Variants in FAM149B1 observed in about 807,000 individuals in gnomAD.
The protein encoded by FAM149B1 is primary cilium assembly protein FAM149B1.
In FAM149B1, 56 loss-of-function variants were observed where a neutral mutation model predicts 75.3. The ratio of observed to expected loss-of-function variants is 0.74; its 90% confidence interval spans 0.60 to 0.93. The LOEUF is 0.93. FAM149B1 is among the 40% of genes least tolerant of loss of function. The pLI, the probability that FAM149B1 is intolerant of heterozygous loss-of-function variation, is 0.00. For synonymous variants in FAM149B1, 259 were observed against 256.1 expected, an observed-to-expected ratio of 1.01 and a Z score of -0.11; for missense variants, 639 against 708.4, an observed-to-expected ratio of 0.90 and a Z score of 1.11.
chr10:73,199,984 T>G (rs75847412), intron 5 of FAM149B1: 8,307 of 200,758 alleles, frequency 0.041, 653 homozygotes, highest in African/African-American at 0.17. Context: ...ATGCTTATGA[T>G]TTCAGAAGCC....
Position 73,239,399 on chromosome 10 carries a change from A to G in FAM149B1, c.1675+15A>G, listed in dbSNP as rs1341649379. 3.2e-6 allele frequency: 5 copies of G among 1,546,766 alleles called. No homozygotes were observed. Among genetic ancestry groups the G allele is most frequent in the Non-Finnish European group, 4.4e-6 (5 of 1,142,572 alleles). On this transcript the variant is annotated intron_variant, in intron 13 of 13. Coordinates refer to ENST00000242505, the MANE Select transcript of FAM149B1 (RefSeq NM_173348.2). ...GGGATCTGCAGGTAAAGGTGGGGCC[A>G]TGGCCCTTATTTACTACTGTGTGGT...
At chr10:73,184,092 A>G (rs1181430110) in intron 3 of FAM149B1, among the ~76,000 whole-genome samples, 1 of 152,240 alleles carries the variant, frequency 6.6e-6, no homozygotes, top group African/African-American at 2.4e-5. Flanking sequence ...TAAGCTATCT[A>G]CACATCCCTG....
chr10:73,227,301 C>T (rs568972341), intron 7 of FAM149B1, among the ~76,000 whole-genome samples: 1 of 152,214 alleles, frequency 6.6e-6, no homozygotes, highest in East Asian at 1.9e-4. Flanking sequence ...GTTGCCCAAG[C>T]TGGTCTTGAA....
intron 7 of FAM149B1, among the ~76,000 whole-genome samples, chr10:73,222,488 C>T (rs1354024405): frequency 2.6e-5 from 4 of 152,132 alleles, no homozygotes; most frequent in Non-Finnish European, 5.9e-5. Context: ...ATTTTGAATG[C>T]TCAAATGATG....
rs1265864352 is a variant in FAM149B1, at chr10:73,210,355, C to T, written c.815C>T (p.Ala272Val). 3 of 1,551,316 alleles carry T rather than the reference C, an allele frequency of 1.9e-6. No homozygotes were observed. The highest frequency in any genetic ancestry group is 2.6e-6 in the Non-Finnish European group (3 of 1,146,736). ...TACTGCATGAAAGAAGATGTCCTTG[C>T]TTATGTGTTTGACAGTGTATGGTGC... ...PFYCMKEDVL[A>V]YVFDSVWCKV... The change falls in exon 7 of 14, where the codon GCT becomes GTT. Residue 272 changes from alanine to valine, a missense_variant. Physicochemically the swap from Ala to Val is moderately conservative, Grantham distance 64 (BLOSUM62 0). Transcript: ENST00000242505.
intron 7 of FAM149B1, among the ~76,000 whole-genome samples, chr10:73,222,287 G>A (rs897596033): frequency 6.6e-6 from 1 of 152,214 alleles, no homozygotes; most frequent in African/African-American, 2.4e-5. Context: ...TCAGTCTAGA[G>A]CTAATTATTA....
chr10:73,193,076 G>A (rs1231688029), intron 4 of FAM149B1, among the ~76,000 whole-genome samples: 1 of 152,168 alleles, frequency 6.6e-6, no homozygotes, highest in Non-Finnish European at 1.5e-5. Context: ...TTCAGAAACT[G>A]CAGTAGTACC....
At chr10:73,206,987 G>A (rs984679953) in intron 5 of FAM149B1, among the ~76,000 whole-genome samples, 3 of 152,224 alleles carry the variant, frequency 2.0e-5, no homozygotes, top group African/African-American at 7.2e-5. Context: ...TCCATGTGGT[G>A]TTAAGCTTGT....
chr10:73,176,503 T>G (rs1249438738), intron 2 of FAM149B1, among the ~76,000 whole-genome samples: 2 of 152,206 alleles, frequency 1.3e-5, no homozygotes, highest in African/African-American at 4.8e-5. Flanking sequence ...GCTGTAGTTA[T>G]TTTAAGTAAT....
intron 3 of FAM149B1, among the ~76,000 whole-genome samples, chr10:73,190,828 C>T (rs1284510075): frequency 6.6e-6 from 1 of 151,822 alleles, no homozygotes; most frequent in African/African-American, 2.4e-5. Flanking sequence ...AAGTAGTCCT[C>T]CCACCTCAGC....
intron 7 of FAM149B1, among the ~76,000 whole-genome samples, chr10:73,226,335 T>G (rs567918704): frequency 6.6e-6 from 1 of 152,198 alleles, no homozygotes; most frequent in South Asian, 2.1e-4. Flanking sequence ...TGAAACCCCA[T>G]CTCTACTAAA....
At chr10:73,213,882 T>C (rs1197596338) in intron 7 of FAM149B1, among the ~76,000 whole-genome samples, 1 of 152,138 alleles carries the variant, frequency 6.6e-6, no homozygotes, top group Non-Finnish European at 1.5e-5. Context: ...TTGATAGGGA[T>C]TGTGTGGAAT....
At chr10:73,208,432 C>A (rs1307381564) in intron 5 of FAM149B1, among the ~76,000 whole-genome samples, 187 bp from the exon 6 acceptor site, 1 of 152,168 alleles carries the variant, frequency 6.6e-6, no homozygotes, top group Non-Finnish European at 1.5e-5. Flanking sequence ...TACATGTAGG[C>A]AGAATAGTTC....
At chr10:73,183,975 C>G (rs987882920) in intron 3 of FAM149B1, among the ~76,000 whole-genome samples, 1 of 152,082 alleles carries the variant, frequency 6.6e-6, no homozygotes, top group African/African-American at 2.4e-5. Flanking sequence ...CTGGCTGGGA[C>G]AAACAATGGA....
chr10:73,202,629 TTCCC>T (rs947976719), intron 5 of FAM149B1, among the ~76,000 whole-genome samples: 26 of 151,040 alleles, frequency 1.7e-4, no homozygotes, highest in Middle Eastern at 3.4e-3. Flanking sequence ...TCCAAACCGA[TTCCC>T]TCCCTCCCTC....
chr10:73,240,331 C>T (rs957676199), intron 13 of FAM149B1, among the ~76,000 whole-genome samples: 10 of 152,188 alleles, frequency 6.6e-5, no homozygotes, highest in Admixed American at 5.9e-4. Context: ...CTCAGTTCCC[C>T]GCAGCATTGT....
chr10:73,213,672 C>T (rs761932102), intron 7 of FAM149B1, among the ~76,000 whole-genome samples: 1 of 152,050 alleles, frequency 6.6e-6, no homozygotes, highest in South Asian at 2.1e-4. Context: ...TATTCCATTC[C>T]GTTGGTCTGT....
At chr10:73,232,205 CACTT>C (rs2043722500) in intron 9 of FAM149B1, among the ~76,000 whole-genome samples, 1 of 150,606 alleles carries the variant, frequency 6.6e-6, no homozygotes, top group Non-Finnish European at 1.5e-5. Flanking sequence ...AATGTCCTCT[CACTT>C]GCTTTAAAAG....
intron 5 of FAM149B1, among the ~76,000 whole-genome samples, chr10:73,202,932 C>A (rs1307636040): frequency 6.6e-6 from 1 of 152,078 alleles, no homozygotes; most frequent in Non-Finnish European, 1.5e-5. Context: ...CCATCTCCAT[C>A]CCAGTGCCAC....
Sources: gnomAD v4.1 joint callset for allele counts (sites outside exome capture counted in the v4.1 genomes callset) on GRCh38, gnomAD v4.1.1 for gene constraint, MANE v1.5 for transcripts, NCBI Gene and HGNC (gene_info 2026-07-23, HGNC 2026-07-21) for gene names.